Variants in MBD5 observed in about 807,000 individuals in gnomAD.
MBD5 encodes the protein methyl-CpG-binding domain protein 5.
In MBD5, 13 loss-of-function variants were observed where a neutral mutation model predicts 117.3. The observed-to-expected ratio is 0.11, with a 90% CI of 0.07 to 0.18. MBD5 has a LOEUF of 0.18. MBD5 is among the 10% of genes least tolerant of loss of function. The probability of loss-of-function intolerance (pLI) is 1.00; values close to 1 mark genes in which losing one functional copy is unlikely to be tolerated. For synonymous variants in MBD5, 727 were observed against 766.4 expected, an observed-to-expected ratio of 0.95 and a Z score of 0.85; for missense variants, 1,879 against 2,093.8, an observed-to-expected ratio of 0.90 and a Z score of 2.00.
At chr2:148,195,047 A>T (rs1450702459) in intron 2 of MBD5, among the ~76,000 whole-genome samples, 1 of 152,214 alleles carries the variant, frequency 6.6e-6, no homozygotes, top group Non-Finnish European at 1.5e-5. Flanking sequence ...CTTATCAGAG[A>T]TCAAAATGTA....
chr2:148,429,549 A>T (rs146465256), intron 4 of MBD5, among the ~76,000 whole-genome samples: 36,829 of 152,070 alleles, frequency 0.24, 5,077 homozygotes, highest in African/African-American at 0.37. Flanking sequence ...ATGCACACAT[A>T]TGTTTATTGT....
chr2:148,347,557 T>A (rs1034371331), intron 4 of MBD5: 3 of 151,988 alleles, frequency 2.0e-5, no homozygotes, highest in African/African-American at 7.2e-5. Flanking sequence ...TAGAAACTTC[T>A]CTATATGCTA....
chr2:148,099,125 A>C (rs1355744004), intron 1 of MBD5, among the ~76,000 whole-genome samples: 3 of 152,142 alleles, frequency 2.0e-5, no homozygotes, highest in Non-Finnish European at 4.4e-5. Context: ...GACAGGAGGA[A>C]AACTATCTGG....
At chr2:148,263,237 G>A (rs540620545) in intron 3 of MBD5, among the ~76,000 whole-genome samples, 3 of 152,268 alleles carry the variant, frequency 2.0e-5, no homozygotes, top group African/African-American at 7.2e-5. Context: ...CTGAGAAATA[G>A]AGAAAAGGAC....
chr2:148,045,607 G>A (rs1024054936), intron 1 of MBD5, among the ~76,000 whole-genome samples: 5 of 152,058 alleles, frequency 3.3e-5, no homozygotes, highest in Non-Finnish European at 7.4e-5. Context: ...TAACTTGCTC[G>A]AGGTTATACA....
chr2:148,354,218 G>A (rs1703315762), intron 4 of MBD5, among the ~76,000 whole-genome samples: 1 of 151,942 alleles, frequency 6.6e-6, no homozygotes, highest in South Asian at 2.1e-4. Context: ...TAGGTTTTAA[G>A]CCCTGCATGC....
chr2:148,078,129 A>G (rs1374518118), intron 1 of MBD5, among the ~76,000 whole-genome samples: 1 of 152,120 alleles, frequency 6.6e-6, no homozygotes, highest in African/African-American at 2.4e-5. Context: ...CTCCTCTTTC[A>G]GATCTGTTGC....
Position 148,516,813 on chromosome 2 carries a change from A to T in MBD5, c.*3872A>T, listed in dbSNP as rs1017543199. 6.6e-6 allele frequency: 1 copy of T among 152,230 alleles called. No individual in the cohort carries two copies. Among genetic ancestry groups the T allele is most frequent in the African/African-American group, 2.4e-5 (1 of 41,468 alleles). 9.4% of individuals were successfully genotyped at this position (152,230 alleles called of 1,614,324 possible). A position where few individuals can be genotyped will look rare whatever the true frequency, so the allele number is the denominator to read the frequency against. On this transcript the variant is annotated 3_prime_UTR_variant, in exon 14 of 14. Coordinates refer to ENST00000642680, the MANE Select transcript of MBD5 (RefSeq NM_001378120.1). ...TGTGTGTGTACCTCAGTGACCTTTT[A>T]TAAACCGGAAAAATGGTTGATTTAA...
chr2:148,130,181 C>T (rs188687677), intron 1 of MBD5, among the ~76,000 whole-genome samples: 5 of 152,270 alleles, frequency 3.3e-5, no homozygotes, highest in African/African-American at 1.2e-4. Context: ...TAACTATCAT[C>T]ATTATTTTGA....
chr2:148,051,516 G>T (rs1216943075), intron 1 of MBD5, among the ~76,000 whole-genome samples: 2 of 150,938 alleles, frequency 1.3e-5, no homozygotes, highest in Non-Finnish European at 2.9e-5. Context: ...TTAGGGGAAA[G>T]CTTTTACTGT....
chr2:148,490,708 T>C, intron 11 of MBD5, 114 bp downstream of exon 11: 1 of 1,304,040 alleles, frequency 7.7e-7, no homozygotes, highest in Admixed American at 1.9e-5. Flanking sequence ...TCTTCATGAC[T>C]CATTGAGGTC....
chr2:148,294,590 C>A (rs1701605689), intron 3 of MBD5, among the ~76,000 whole-genome samples: 1 of 149,504 alleles, frequency 6.7e-6, no homozygotes, highest in Admixed American at 6.8e-5. Flanking sequence ...GCAACCTCCA[C>A]CTCCCGGGTT....
chr2:148,042,835 TAAAG>T (rs1241572605), intron 1 of MBD5, among the ~76,000 whole-genome samples: 1 of 152,168 alleles, frequency 6.6e-6, no homozygotes, highest in Non-Finnish European at 1.5e-5. Flanking sequence ...ATTTTACAAA[TAAAG>T]GGATCGATCT....
chr2:148,370,187 C>T (rs1703812015), intron 4 of MBD5, among the ~76,000 whole-genome samples: 1 of 152,010 alleles, frequency 6.6e-6, no homozygotes, highest in African/African-American at 2.4e-5. Flanking sequence ...CATAAATTAC[C>T]ATAATGTTTG....
chr2:148,307,727 G>T (rs1701927096), intron 3 of MBD5, among the ~76,000 whole-genome samples: 1 of 152,072 alleles, frequency 6.6e-6, no homozygotes, highest in Non-Finnish European at 1.5e-5. Context: ...ATGCCATGGT[G>T]GTTTGCTGCA....
At chr2:148,215,748 C>T (rs1699538228) in intron 2 of MBD5, among the ~76,000 whole-genome samples, 2 of 148,572 alleles carry the variant, frequency 1.3e-5, no homozygotes, top group African/African-American at 5.0e-5. Flanking sequence ...ATCTCAAACT[C>T]CTGGCTTCAA....
intron 4 of MBD5, among the ~76,000 whole-genome samples, chr2:148,356,767 TC>T (rs1161370922): frequency 1.3e-5 from 2 of 152,142 alleles, no homozygotes; most frequent in African/African-American, 4.8e-5. Flanking sequence ...TTCCTTTTCT[TC>T]CCCCTTTTCC....
chr2:148,178,004 A>C (rs568569626), intron 1 of MBD5, among the ~76,000 whole-genome samples: 1 of 152,330 alleles, frequency 6.6e-6, no homozygotes, highest in East Asian at 1.9e-4. Flanking sequence ...CAAAACAAAA[A>C]CAAAAAGTAC....
Position 148,470,051 on chromosome 2 carries a change from A to C in MBD5, c.2108A>C (p.Gln703Pro). 1 of 1,613,924 alleles carries C rather than the reference A, an allele frequency of 6.2e-7. No homozygotes were observed. Among genetic ancestry groups the C allele is most frequent in the Non-Finnish European group, 8.5e-7 (1 of 1,179,896 alleles). Residue 703 changes from glutamine (Q) to proline (P), a missense_variant, in exon 8 of 14, where the codon CAG becomes CCG. Around this residue, in one of 4 missense-constraint regions of MBD5, gnomAD observed 1,666 missense variants for 1,792.2 expected, o/e 0.93. Transcript: ENST00000642680. ...TCATTTCCCATCAGTTCAATGTCTC[A>C]GTTACTACAGTCTATGAGTTGTCAA... is the stretch of plus-strand genomic sequence containing the variant. ...QGSFPISSMSQLLQSMSCQSS... is the reference protein window; with the variant it reads ...QGSFPISSMSPLLQSMSCQSS...
Sources: gnomAD v4.1 joint callset for allele counts (sites outside exome capture counted in the v4.1 genomes callset) on GRCh38, gnomAD v4.1.1 for gene constraint, gnomAD v4.1.1 regional missense constraint, MANE v1.5 for transcripts, NCBI Gene and HGNC (gene_info 2026-07-23, HGNC 2026-07-21) for gene names.